Variants in DLG1 observed in about 807,000 individuals in gnomAD.
DLG1 encodes discs large MAGUK scaffold protein 1.
A neutral mutation model predicts 123.4 loss-of-function variants in DLG1; 42 were observed. The observed-to-expected ratio is 0.34, with a 90% confidence interval of 0.27 to 0.44. The LOEUF (loss-of-function observed/expected upper bound fraction) is 0.44. DLG1 is among the 20% of genes least tolerant of loss of function. The pLI is 1.00. For synonymous variants in DLG1, 317 were observed against 356.2 expected (o/e 0.89, Z 1.24); for missense variants, 942 against 1,082.6 (o/e 0.87, Z 1.82).
At chr3:197,066,893 A>G (rs1184075297) in intron 19 of DLG1, 139 bp from the exon 20 acceptor site, 3 of 524,208 alleles carry the variant, frequency 5.7e-6, no homozygotes, top group Non-Finnish European at 1.0e-5. Context: ...TTATGGCAAG[A>G]TTTAGTTAAA....
chr3:197,191,893 G>A (rs979634402), intron 5 of DLG1, among the ~76,000 whole-genome samples: 1 of 152,162 alleles, frequency 6.6e-6, no homozygotes, highest in African/African-American at 2.4e-5. Flanking sequence ...AAGAAGATAT[G>A]AGCCAGGTGC....
In DLG1 at chr3:197,245,899, T is replaced by TGG. The variant is rs1554044922; in HGVS notation, c.318+36779_318+36780insCC. 1.3e-3 allele frequency among the ~76,000 whole-genome samples: 122 copies of TGG among 93,508 alleles called. 4 individuals carry two copies. Among genetic ancestry groups the TGG allele is most frequent in the East Asian group, 5.6e-3 (14 of 2,506 alleles). The allele number at this position is 93,508 out of a possible 152,430, so 61.3% of individuals were successfully genotyped here. Reference sequence around the variant, plus strand: ...GGACATGGACAATACTTTTTTTTTTTTGGGGGGGGGGGAGGTGGCAAATGA... The same window carrying TGG: ...GGACATGGACAATACTTTTTTTTTTTGGTGGGGGGGGGGGAGGTGGCAAATGA... On this transcript the variant is annotated intron_variant, in intron 4 of 24. Coordinates refer to ENST00000667157, the MANE Select transcript of DLG1 (RefSeq NM_001366207.1).
chr3:197,082,492 T>C (rs1751779152), intron 16 of DLG1, among the ~76,000 whole-genome samples: 1 of 152,154 alleles, frequency 6.6e-6, no homozygotes, highest in Non-Finnish European at 1.5e-5. Context: ...ACCACAAAAC[T>C]AGCATTTAGT....
chr3:197,101,008 C>A (rs150213960), intron 14 of DLG1, among the ~76,000 whole-genome samples: 1 of 152,254 alleles, frequency 6.6e-6, no homozygotes, highest in Non-Finnish European at 1.5e-5. Flanking sequence ...ATTAGGTGTA[C>A]AAGCTTTTAA....
rs562794771 is a variant in DLG1 at position 197,157,582 on chromosome 3, T to C, written c.484-7786A>G. Reference sequence around the variant, plus strand: ...ATGGGAAGGGATCTGTGGTCATAGATTGGAAGACTTACTATTGCAAAAATG... The same window carrying C: ...ATGGGAAGGGATCTGTGGTCATAGACTGGAAGACTTACTATTGCAAAAATG... On this transcript the variant is annotated intron_variant, in intron 5 of 24. Coordinates refer to ENST00000667157, the MANE Select transcript of DLG1 (RefSeq NM_001366207.1). Among the ~76,000 whole-genome samples, 4 of 147,158 alleles carry C rather than the reference T, an allele frequency of 2.7e-5. No individual in the cohort carries two copies. The South Asian group carries it at 6.2e-4, about 23-fold the overall frequency.
At chr3:197,110,977 G>A (rs1769671729) in intron 13 of DLG1, among the ~76,000 whole-genome samples, 1 of 152,098 alleles carries the variant, frequency 6.6e-6, no homozygotes, top group Non-Finnish European at 1.5e-5. Flanking sequence ...CATGTGTGTG[G>A]CCTTCTGGTT....
At chr3:197,075,874 T>TAGAG in intron 18 of DLG1, 1 of 1,611,372 alleles carries the variant, frequency 6.2e-7, no homozygotes. Flanking sequence ...GGATCTCCTG[T>TAGAG]AGAGGGTAGT....
intron 5 of DLG1, among the ~76,000 whole-genome samples, chr3:197,156,430 T>C (rs995077872): frequency 2.0e-5 from 3 of 150,348 alleles, no homozygotes; most frequent in African/African-American, 7.3e-5. Context: ...AGAAAACAAA[T>C]AGCAAAATGA....
chr3:197,283,657 T>G (rs950459507), intron 3 of DLG1, among the ~76,000 whole-genome samples: 4 of 152,180 alleles, frequency 2.6e-5, no homozygotes, highest in African/African-American at 9.6e-5. Flanking sequence ...CACGCTTAAT[T>G]CCTTATTCAC....
chr3:197,288,743 A>AATACATACATACATACATACATAC (rs57200229), intron 3 of DLG1, among the ~76,000 whole-genome samples: 12 of 72,098 alleles, frequency 1.7e-4, no homozygotes, highest in African/African-American at 5.8e-4. Flanking sequence ...AAAAAAAAAA[A>AATACATACATACATACATACATAC]ATACATACAT....
intron 3 of DLG1, among the ~76,000 whole-genome samples, chr3:197,290,102 C>T (rs1220321509): frequency 6.6e-6 from 1 of 151,710 alleles, no homozygotes; most frequent in Admixed American, 6.6e-5. Context: ...TTGAAAGGGC[C>T]CCCACTGGAT....
chr3:197,079,480 C>T (rs969058894), intron 17 of DLG1, among the ~76,000 whole-genome samples: 2 of 152,184 alleles, frequency 1.3e-5, no homozygotes, highest in Non-Finnish European at 2.9e-5. Context: ...TGTGTTAGAA[C>T]ACAGTGACTC....
At chr3:197,289,831 AGAAAG>A (rs1172087445) in intron 3 of DLG1, among the ~76,000 whole-genome samples, 2 of 152,296 alleles carry the variant, frequency 1.3e-5, no homozygotes, top group South Asian at 4.1e-4. Flanking sequence ...CACACACTAA[AGAAAG>A]GAAAGATGTC....
chr3:197,223,206 C>T (rs147261118), intron 4 of DLG1, among the ~76,000 whole-genome samples: 5 of 152,272 alleles, frequency 3.3e-5, no homozygotes, highest in African/African-American at 1.2e-4. Flanking sequence ...TGAGTTCTAA[C>T]GCGAGACATG....
At chr3:197,108,549 T>C (rs1353968320) in intron 13 of DLG1, among the ~76,000 whole-genome samples, 1 of 151,996 alleles carries the variant, frequency 6.6e-6, no homozygotes, top group East Asian at 1.9e-4. Context: ...AATGTATTGG[T>C]AATTAGAGTA....
At chr3:197,274,095 A>C (rs1408726992) in intron 4 of DLG1, among the ~76,000 whole-genome samples, 1 of 152,206 alleles carries the variant, frequency 6.6e-6, no homozygotes, top group Non-Finnish European at 1.5e-5. Context: ...ATAGAAATAG[A>C]AAAAACAAGC....
At chr3:197,215,471 G>GC (rs1002348377) in intron 4 of DLG1, among the ~76,000 whole-genome samples, 5 of 152,232 alleles carry the variant, frequency 3.3e-5, no homozygotes, top group African/African-American at 1.2e-4. Context: ...ATGACTTCTA[G>GC]TATGTAAGGA....
intron 15 of DLG1, among the ~76,000 whole-genome samples, chr3:197,088,567 CAT>C (rs1755788880): frequency 6.6e-6 from 1 of 152,110 alleles, no homozygotes; most frequent in African/African-American, 2.4e-5. Flanking sequence ...ATCTAGGAAA[CAT>C]GTGACATAGT....
At chr3:197,180,822 A>G (rs139828485) in intron 5 of DLG1, among the ~76,000 whole-genome samples, 322 of 152,298 alleles carry the variant, frequency 2.1e-3, no homozygotes, top group African/African-American at 7.4e-3. Flanking sequence ...GATCCAATCA[A>G]TACAGGTACT....
Sources: allele counts gnomAD v4.1 joint callset (sites outside exome capture counted in the v4.1 genomes callset), GRCh38; gene constraint gnomAD v4.1.1; transcripts MANE v1.5; gene names NCBI Gene and HGNC (gene_info 2026-07-23, HGNC 2026-07-21).